The following RGSL1 variants were observed in gnomAD, a reference collection of about 807,000 sequenced individuals.
RGSL1 encodes regulator of G protein signaling protein-like.
In RGSL1, 97 loss-of-function variants were observed where a neutral mutation model predicts 124.7. The observed-to-expected ratio is 0.78, with a 90% CI of 0.66 to 0.92. RGSL1 has a LOEUF of 0.92. Among genes scored for constraint, RGSL1 ranks in the 40% least tolerant of loss-of-function variants. RGSL1 has a pLI of 0.00. For synonymous variants in RGSL1, 424 were observed against 438.1 expected (o/e 0.97, Z 0.40); for missense variants, 1,233 against 1,288.4 (o/e 0.96, Z 0.66).
intron 14 of RGSL1, among the ~76,000 whole-genome samples, chr1:182,535,416 T>G (rs1054586751): frequency 6.6e-6 from 1 of 151,944 alleles, no homozygotes; most frequent in African/African-American, 2.4e-5. Flanking sequence ...AAAAGAGGAG[T>G]TTTACAGCTT....
At chr1:182,472,610 G>A in intron 5 of RGSL1, 53 bp downstream of exon 5, 1 of 1,455,784 alleles carries the variant, frequency 6.9e-7, no homozygotes. Flanking sequence ...AGTAAATCCA[G>A]TGTCTGATAA....
chr1:182,482,221 G>C (rs932066727), intron 6 of RGSL1, among the ~76,000 whole-genome samples: 2 of 152,014 alleles, frequency 1.3e-5, no homozygotes, highest in African/African-American at 2.4e-5. Context: ...ATTACATATA[G>C]AAGGAAGGTA....
Position 182,551,192 on chromosome 1 carries a change from A to G in RGSL1, c.3026A>G (p.Tyr1009Cys), listed in dbSNP as rs1353018407. 1.3e-6 allele frequency: 2 copies of G among 1,551,124 alleles called. No homozygotes were observed. The highest frequency in any genetic ancestry group is 1.4e-5 in the African/African-American group (1 of 73,040). Residue 1009 changes from tyrosine to cysteine, a missense_variant, in exon 18 of 22, where the codon TAT (tyrosine) becomes TGT (cysteine). Coordinates refer to ENST00000294854, the MANE Select transcript of RGSL1 (RefSeq NM_001137669.2). ...RKSPPKSTDK[Y>C]PFSSGGDNAI... ...AGCCCTCCTAAATCTACGGACAAGT[A>G]TCCTTTCTCGAGTGGAGGTAAGCTC... is the stretch of plus-strand genomic sequence containing the variant.
intron 6 of RGSL1, among the ~76,000 whole-genome samples, chr1:182,480,818 A>G (rs1055207373): frequency 1.3e-5 from 2 of 152,192 alleles, no homozygotes; most frequent in Non-Finnish European, 2.9e-5. Context: ...AGAAAATGGG[A>G]AAATTTATAA....
chr1:182,463,542 T>A (rs1260320781), intron 4 of RGSL1, among the ~76,000 whole-genome samples: 1 of 152,154 alleles, frequency 6.6e-6, no homozygotes, highest in African/African-American at 2.4e-5. Context: ...TTATTTAATT[T>A]ATTTATTTTT....
At chr1:182,558,498 G>T (rs1340850276) in intron 21 of RGSL1, among the ~76,000 whole-genome samples, 1 of 152,160 alleles carries the variant, frequency 6.6e-6, no homozygotes, top group Non-Finnish European at 1.5e-5. Flanking sequence ...TGTCAGGAAG[G>T]CTGTGTTCCC....
chr1:182,524,274 G>A (rs144579310), intron 10 of RGSL1, among the ~76,000 whole-genome samples: 223 of 79,418 alleles, frequency 2.8e-3, no homozygotes, highest in African/African-American at 0.011. Context: ...TAAAATATTA[G>A]TCTGACAGAA....
At chr1:182,500,752 A>G (rs1001070926) in intron 9 of RGSL1, among the ~76,000 whole-genome samples, 7 of 152,168 alleles carry the variant, frequency 4.6e-5, no homozygotes, top group Non-Finnish European at 8.8e-5. Context: ...TTCTGATGCT[A>G]TTGTAAGTGG....
At chr1:182,547,418 G>C (rs1322896385) in intron 15 of RGSL1, among the ~76,000 whole-genome samples, 2 of 152,138 alleles carry the variant, frequency 1.3e-5, no homozygotes, top group Non-Finnish European at 2.9e-5. Context: ...GGAGATACTA[G>C]TCAGAGTGAA....
chr1:182,532,633 A>G (rs1294100803), intron 13 of RGSL1, 29 bp from the exon 14 acceptor site: 1 of 1,547,566 alleles, frequency 6.5e-7, no homozygotes, highest in African/African-American at 1.4e-5. Flanking sequence ...ATACTAATGA[A>G]CATGTTATAC....
chr1:182,548,746 C>T lies in RGSL1; in HGVS notation c.2855C>T (p.Thr952Ile). ...FQKDAILAAI[T>I]EGYLDRSVFH... The stretch of plus-strand genomic sequence containing the variant: ...AAGGATGCCATCCTTGCTGCCATCA[C>T]AGAGGGCTACCTAGATCGGAGCGTC... The change falls in exon 17 of 22, where the codon ACA (threonine) becomes ATA (isoleucine). Residue 952 changes from threonine (T) to isoleucine (I), a missense_variant. Thr to Ile is a moderately conservative substitution (Grantham distance 89). Transcript: ENST00000294854. 6.4e-7 allele frequency: 1 copy of T among 1,551,658 alleles called. No individual in the cohort carries two copies. The highest frequency in any genetic ancestry group is 8.7e-7 in the Non-Finnish European group (1 of 1,146,990).
At position 182,556,181 on chromosome 1, in the gene RGSL1, A is replaced by G. The variant is rs950431166; in HGVS notation, c.*124A>G. The G allele has an allele frequency of 4.2e-5, 39 of 925,326 alleles. No homozygotes were observed. The Middle Eastern group carries it at 1.1e-3, about 26-fold the overall frequency. 57.3% of individuals were successfully genotyped at this position (925,326 alleles called of 1,614,324 possible). On this transcript the variant is annotated 3_prime_UTR_variant, in exon 21 of 22. Transcript: ENST00000294854. ...TCCCCAGAAACGATCAAGAAGGGCA[A>G]TGGGTTGACAGCCCAGATATGGCAG...
chr1:182,455,573 C>T (rs1019117350), intron 2 of RGSL1, among the ~76,000 whole-genome samples: 18 of 147,882 alleles, frequency 1.2e-4, no homozygotes, highest in African/African-American at 4.2e-4. Context: ...CAGAGCGAGA[C>T]TCCACCTCAA....
chr1:182,469,604 C>T (rs548711115), intron 4 of RGSL1, among the ~76,000 whole-genome samples: 1 of 152,182 alleles, frequency 6.6e-6, no homozygotes, highest in African/African-American at 2.4e-5. Context: ...GGAGGTTTCT[C>T]AAAAATTAAA....
intron 6 of RGSL1, among the ~76,000 whole-genome samples, chr1:182,482,354 C>T (rs939040149): frequency 1.3e-5 from 2 of 151,692 alleles, no homozygotes; most frequent in Non-Finnish European, 2.9e-5. Flanking sequence ...TGCCCCTCCT[C>T]ATCAACAAAA....
intron 10 of RGSL1, among the ~76,000 whole-genome samples, chr1:182,524,346 G>T (rs892926016): frequency 1.3e-5 from 2 of 152,156 alleles, no homozygotes; most frequent in African/African-American, 4.8e-5. Flanking sequence ...TAGTTGGAAG[G>T]TCTTTGCAGT....
At position 182,521,992 on chromosome 1, in the gene RGSL1, T is replaced by A. The variant is rs1462187834; in HGVS notation, c.1826-12T>A. On this transcript the variant is annotated splice_polypyrimidine_tract_variant and intron_variant, in intron 9 of 21. Transcript: ENST00000294854. ...AATATAGTGTTCTCCAACTTAGTGA[T>A]TTTTTTTTTAGATTTTAAAATGGAA... The A allele has an allele frequency of 9.6e-7, 1 of 1,042,790 alleles. No individual in the cohort carries two copies. Among genetic ancestry groups the A allele is most frequent in the Non-Finnish European group, 1.3e-6 (1 of 767,792 alleles). 64.6% of individuals were successfully genotyped at this position (1,042,790 alleles called of 1,614,324 possible). A position where few individuals can be genotyped will look rare whatever the true frequency, so the allele number is the denominator to read the frequency against.
At chr1:182,534,691 G>A (rs1212691947) in intron 14 of RGSL1, among the ~76,000 whole-genome samples, 26 of 152,076 alleles carry the variant, frequency 1.7e-4, no homozygotes, top group Non-Finnish European at 2.9e-5. Context: ...GCTGAGTGTG[G>A]TGGTGTGCAC....
Position 182,509,640 on chromosome 1 carries a change from C to T in RGSL1, c.1826-12364C>T, listed in dbSNP as rs1375226779. 3.7e-5 allele frequency among the ~76,000 whole-genome samples: 5 copies of T among 133,958 alleles called. 1 individual carries two copies. The highest frequency in any genetic ancestry group is 6.5e-5 in the Non-Finnish European group (4 of 61,528). 87.9% of individuals were successfully genotyped at this position (133,958 alleles called of 152,430 possible). ...CTGGGCAGAGGCGCCCCTCACCTCCCGGACGGGGCGGCTGGCCGGGCGGGG... is the reference window on the plus strand; with the variant it reads ...CTGGGCAGAGGCGCCCCTCACCTCCTGGACGGGGCGGCTGGCCGGGCGGGG... On this transcript the variant is annotated intron_variant, in intron 9 of 21. Transcript: ENST00000294854.
Sources: allele counts gnomAD v4.1 joint callset (sites outside exome capture counted in the v4.1 genomes callset), GRCh38; gene constraint gnomAD v4.1.1; transcripts MANE v1.5; gene names NCBI Gene and HGNC (gene_info 2026-07-23, HGNC 2026-07-21).